The following CRMP1 variants were observed in gnomAD, a reference collection of about 807,000 sequenced individuals.
CRMP1 encodes dihydropyrimidinase-related protein 1.
A neutral mutation model predicts 68.3 loss-of-function variants in CRMP1; 19 were observed. The observed-to-expected ratio is 0.28, with a 90% CI of 0.19 to 0.41. CRMP1 has a LOEUF of 0.41. Ranked by LOEUF, CRMP1 falls within the 10% of genes least tolerant of loss-of-function variation. CRMP1 has a pLI of 1.00. For missense variants in CRMP1, 791 were observed against 967.4 expected, an observed-to-expected ratio of 0.82 and a Z score of 2.42; for synonymous variants, 439 against 399.6, an observed-to-expected ratio of 1.10 and a Z score of -1.18.
Position 5,883,258 on chromosome 4 carries a change from T to TCCTC in CRMP1, c.381+9327_381+9330dup, listed in dbSNP as rs796995968. ...TTCCTTCCTTCCTTCCTTCCTTCCT[T>TCCTC]CCTCCCTCCCTCCCTCCCTTCCTGT... On this transcript the variant is annotated intron_variant, in intron 1 of 13. Coordinates refer to ENST00000324989, the MANE Select transcript of CRMP1 (RefSeq NM_001014809.3). This position sits in a 1 kb window ranked among gnomAD's most constrained non-coding sequence, Gnocchi z 4.5. Among the ~76,000 whole-genome samples, 60 of 151,670 alleles carry TCCTC rather than the reference T, an allele frequency of 4.0e-4. No individual in the cohort carries two copies. Among genetic ancestry groups the TCCTC allele is most frequent in the Non-Finnish European group, 3.5e-4 (24 of 67,878 alleles).
Position 5,861,237 on chromosome 4 carries a change from T to C in CRMP1, c.471-27A>G, listed in dbSNP as rs201077094. 1.5e-5 allele frequency: 24 copies of C among 1,603,912 alleles called. No individual in the cohort carries two copies. In the South Asian group the frequency reaches 2.1e-4, roughly 14 times the overall value. On this transcript the variant is annotated intron_variant, in intron 2 of 13. Coordinates refer to ENST00000324989, the MANE Select transcript of CRMP1 (RefSeq NM_001014809.3). This position sits in a 1 kb window ranked among gnomAD's most constrained non-coding sequence, Gnocchi z 6.0. ...TGGAGGCAAACAACAGAGACAGCCT[T>C]GGTTCTTAAAGGAAAAGTAGAATGG...
intron 13 of CRMP1, chr4:5,824,320 C>CA (rs1719181301): frequency 1.0e-6 from 1 of 985,296 alleles, no homozygotes; most frequent in East Asian, 1.1e-4. Flanking sequence ...CCATTTTGTG[C>CA]AAAAATATGA....
Position 5,850,632 on chromosome 4 carries a change from C to G in CRMP1, c.882+776G>C, listed in dbSNP as rs984577. Among the ~76,000 whole-genome samples, 14,307 of 152,214 alleles carry G rather than the reference C, an allele frequency of 0.094. 808 individuals are homozygous for G. Among genetic ancestry groups the G allele is most frequent in the East Asian group, 0.16 (812 of 5,144 alleles). On this transcript the variant is annotated intron_variant, in intron 5 of 13. Coordinates refer to ENST00000324989, the MANE Select transcript of CRMP1 (RefSeq NM_001014809.3). The surrounding 1 kb of genome is among the most constrained non-coding windows in gnomAD (Gnocchi z 4.4). ...TTACTCTTCTTATGAAATCATTCAA[C>G]TGCCTCTATAAGGTAGGGCTATCAT...
intron 1 of CRMP1, among the ~76,000 whole-genome samples, chr4:5,868,279 A>C (rs374588977): frequency 0.032 from 2,754 of 86,848 alleles, 51 homozygotes; most frequent in East Asian, 0.041. Context: ...ATATATATAT[A>C]TATATATATA....
intron 4 of CRMP1, among the ~76,000 whole-genome samples, chr4:5,852,048 T>G (rs910985972): frequency 1.3e-5 from 2 of 150,720 alleles, no homozygotes; most frequent in Admixed American, 6.6e-5. Flanking sequence ...GAGGGAGGGG[T>G]GTGGTAAGGA....
Position 5,890,000 on chromosome 4 carries a change from C to T in CRMP1, c.381+2589G>A. The T allele has an allele frequency of 1.9e-6, 2 of 1,057,596 alleles. No individual in the cohort carries two copies. Among genetic ancestry groups the T allele is most frequent in the Non-Finnish European group, 2.4e-6 (2 of 829,176 alleles). The allele number at this position is 1,057,596 out of a possible 1,614,324, so 65.5% of individuals were successfully genotyped here. ...GCAAAACATATTAGCTGCAGCAAAG[C>T]AGCATGGAGATGCCAGGTTCCCCTA... is the stretch of plus-strand genomic sequence containing the variant. On this transcript the variant is annotated intron_variant, in intron 1 of 13. Coordinates refer to ENST00000324989, the MANE Select transcript of CRMP1 (RefSeq NM_001014809.3). The surrounding 1 kb of genome is among the most constrained non-coding windows in gnomAD (Gnocchi z 4.5).
chr4:5,821,568 G>A lies in CRMP1; in HGVS notation c.*192C>T. 1.7e-6 allele frequency: 1 copy of A among 593,782 alleles called. No homozygotes were observed. The highest frequency in any genetic ancestry group is 3.0e-6 in the Non-Finnish European group (1 of 338,190). 36.8% of individuals were successfully genotyped at this position (593,782 alleles called of 1,614,324 possible). A position where few individuals can be genotyped will look rare whatever the true frequency, so the allele number is the denominator to read the frequency against. On this transcript the variant is annotated 3_prime_UTR_variant, in exon 14 of 14. Coordinates refer to ENST00000324989, the MANE Select transcript of CRMP1 (RefSeq NM_001014809.3). The surrounding 1 kb of genome is among the most constrained non-coding windows in gnomAD (Gnocchi z 4.4). ...GATTCAGCATGAACACAACTGTGGG[G>A]CAAGGAATTTCCAAGCAAACACACC...
chr4:5,826,485 C>CACCTCCACACCAGCCTGCAG (rs1719646204), intron 12 of CRMP1: 3 of 152,426 alleles, frequency 2.0e-5, no homozygotes, highest in Admixed American at 6.6e-5. Flanking sequence ...TGCAGGAGGA[C>CACCTCCACACCAGCCTGCAG]GAGGAAGGAG....
rs778166427 is a variant in CRMP1 at position 5,854,619 on chromosome 4, G to A, written c.820+1524C>T. On this transcript the variant is annotated intron_variant, in intron 4 of 13. Transcript: ENST00000324989. The surrounding 1 kb of genome is among the most constrained non-coding windows in gnomAD (Gnocchi z 4.0). ...GAAGAGTGGGCAAATAATACAATCA[G>A]CTATTCACATAAGGAAAAATGTATG... Among the ~76,000 whole-genome samples the A allele has an allele frequency of 6.6e-6, 1 of 152,070 alleles. No homozygotes were observed. Among genetic ancestry groups the A allele is most frequent in the Non-Finnish European group, 1.5e-5 (1 of 68,020 alleles).
rs567075756 is a variant in CRMP1 at position 5,853,877 on chromosome 4, A to C, written c.820+2266T>G. 2.0e-5 allele frequency among the ~76,000 whole-genome samples: 3 copies of C among 152,376 alleles called. No individual in the cohort carries two copies. Among genetic ancestry groups the C allele is most frequent in the African/African-American group, 7.2e-5 (3 of 41,588 alleles). ...ATCTCACTTATATGTGGAATCTAAA[A>C]AGTTGATTTCATAGAAGCATACAAA... On this transcript the variant is annotated intron_variant, in intron 4 of 13. Coordinates refer to ENST00000324989, the MANE Select transcript of CRMP1 (RefSeq NM_001014809.3). The surrounding 1 kb of genome is among the most constrained non-coding windows in gnomAD (Gnocchi z 4.7).
Position 5,838,508 on chromosome 4 carries a change from G to A in CRMP1, c.1310+1014C>T, listed in dbSNP as rs1359036192. On this transcript the variant is annotated intron_variant, in intron 9 of 13. Transcript: ENST00000324989. This position sits in a 1 kb window ranked among gnomAD's most constrained non-coding sequence, Gnocchi z 4.9. Reference sequence around the variant, plus strand: ...CGGAAGCCAGGGATGATGGTGGCCTGAGCCAGGATGGCCACAGCAGACAGG... The same window carrying A: ...CGGAAGCCAGGGATGATGGTGGCCTAAGCCAGGATGGCCACAGCAGACAGG... 2.6e-5 allele frequency among the ~76,000 whole-genome samples: 4 copies of A among 152,160 alleles called. No individual in the cohort carries two copies. The highest frequency in any genetic ancestry group is 3.9e-4 in the East Asian group (2 of 5,182).
chr4:5,824,875 T>C (rs1367681709), intron 13 of CRMP1: 2 of 985,276 alleles, frequency 2.0e-6, no homozygotes, highest in East Asian at 2.3e-4. Flanking sequence ...AAATCACAGA[T>C]ACACTGCCCT....
At chr4:5,880,990 A>G (rs529878148) in intron 1 of CRMP1, among the ~76,000 whole-genome samples, 3 of 152,328 alleles carry the variant, frequency 2.0e-5, no homozygotes, top group African/African-American at 4.8e-5. Context: ...GCAGATGGAC[A>G]TGAGCAACAA....
Position 5,825,682 on chromosome 4 carries a change from T to A in CRMP1, c.1804-23A>T. On this transcript the variant is annotated intron_variant, in intron 12 of 13. Coordinates refer to ENST00000324989, the MANE Select transcript of CRMP1 (RefSeq NM_001014809.3). The surrounding 1 kb of genome is among the most constrained non-coding windows in gnomAD (Gnocchi z 4.4). ...AACCTAAACAGAGGAAGGGAGAGTG[T>A]GATTGATCGACACTGTGCATGTGTG... 1 of 1,610,646 alleles carries A rather than the reference T, an allele frequency of 6.2e-7. No individual in the cohort carries two copies. Among genetic ancestry groups the A allele is most frequent in the Non-Finnish European group, 8.5e-7 (1 of 1,178,292 alleles).
rs547509712 is a variant in CRMP1, at chr4:5,843,710, C to T, written c.964-549G>A. Among the ~76,000 whole-genome samples the T allele has an allele frequency of 2.1e-4, 32 of 152,296 alleles. No homozygotes were observed. Among genetic ancestry groups the T allele is most frequent in the South Asian group, 8.3e-4 (4 of 4,826 alleles). The stretch of plus-strand genomic sequence containing the variant: ...CGGTGCTTGTACTGCAGAGTTACTA[C>T]GCTGATCAGATGAGCGAGCATACGA... On this transcript the variant is annotated intron_variant, in intron 6 of 13. Coordinates refer to ENST00000324989, the MANE Select transcript of CRMP1 (RefSeq NM_001014809.3). The surrounding 1 kb of genome is among the most constrained non-coding windows in gnomAD (Gnocchi z 4.1).
At chr4:5,823,904 A>T (rs1719101234) in intron 13 of CRMP1, among the ~76,000 whole-genome samples, 3 of 152,232 alleles carry the variant, frequency 2.0e-5, no homozygotes, top group Admixed American at 2.0e-4. Flanking sequence ...GCAGATATTA[A>T]AAAGGGCATC....
intron 13 of CRMP1, chr4:5,824,585 C>T: frequency 2.1e-6 from 2 of 962,712 alleles, no homozygotes; most frequent in Non-Finnish European, 2.5e-6. Context: ...CCAAATCCGG[C>T]CCACCGCCTG....
chr4:5,876,735 TC>T lies in CRMP1; in HGVS notation c.382-9980del, dbSNP rs566567169. On this transcript the variant is annotated intron_variant, in intron 1 of 13. Transcript: ENST00000324989. Reference sequence around the variant, plus strand: ...AACTTCAAGATGATCGGTAGGCATATCCCCCCACCACCCCCCTTCTGAAAAC... The same window carrying T: ...AACTTCAAGATGATCGGTAGGCATATCCCCCACCACCCCCCTTCTGAAAAC... Among the ~76,000 whole-genome samples the T allele has an allele frequency of 2.3e-3, 348 of 150,866 alleles. 1 individual carries two copies. The highest frequency in any genetic ancestry group is 7.9e-3 in the African/African-American group (322 of 40,790).
chr4:5,828,545 T>G lies in CRMP1; in HGVS notation c.1747A>C (p.Ile583Leu). ...INVNKGMGRF[I>L]PRKAFPEHLY... ...TGCTCCGGGAACGCCTTCCGCGGAATGAAGCGGCCCATGCCCTTGTTGACG... is the reference window on the plus strand; with the variant it reads ...TGCTCCGGGAACGCCTTCCGCGGAAGGAAGCGGCCCATGCCCTTGTTGACG... The change falls in exon 12 of 14, where the codon ATT becomes CTT. Residue 583 changes from isoleucine (I) to leucine (L), a missense_variant. Around this residue, in one of 3 missense-constraint regions of CRMP1, gnomAD observed 594 missense variants for 763.6 expected, o/e 0.78. Coordinates refer to ENST00000324989, the MANE Select transcript of CRMP1 (RefSeq NM_001014809.3). The G allele has an allele frequency of 6.2e-7, 1 of 1,614,244 alleles. No homozygotes were observed. Among genetic ancestry groups the G allele is most frequent in the South Asian group, 1.1e-5 (1 of 91,086 alleles).
Sources: gnomAD v4.1 joint callset for allele counts (sites outside exome capture counted in the v4.1 genomes callset) on GRCh38, gnomAD v4.1.1 for gene constraint, gnomAD v4.1.1 regional missense constraint, Gnocchi (gnomAD v3.1) non-coding constraint, MANE v1.5 for transcripts, NCBI Gene and HGNC (gene_info 2026-07-23, HGNC 2026-07-21) for gene names.